Variants in ABCA13 observed in about 807,000 individuals in gnomAD.
The protein encoded by ABCA13 is ATP-binding cassette sub-family A member 13.
In ABCA13, 476 loss-of-function variants were observed where a neutral mutation model predicts 478.7. The ratio of observed to expected loss-of-function variants is 0.99; its 90% CI spans 0.92 to 1.07. The LOEUF (loss-of-function observed/expected upper bound fraction) is 1.07, where lower values mean the gene tolerates loss of function less well. Ranked by LOEUF, ABCA13 falls within the 50% of genes least tolerant of loss-of-function variation. The probability of loss-of-function intolerance (pLI) is 0.00; values close to 1 mark genes in which losing one functional copy is unlikely to be tolerated. For missense variants in ABCA13, 6,060 were observed against 5,910.6 expected (o/e 1.03, Z -0.83); for synonymous variants, 2,252 against 2,158.9 (o/e 1.04, Z -1.20).
At chr7:48,552,827 C>T (rs1305630638) in intron 55 of ABCA13, among the ~76,000 whole-genome samples, 1 of 151,606 alleles carries the variant, frequency 6.6e-6, no homozygotes, top group Admixed American at 6.6e-5. Context: ...TTTGTTATAA[C>T]AATCCAATTA....
At chr7:48,500,949 C>A in intron 48 of ABCA13, among the ~76,000 whole-genome samples, 1 of 152,256 alleles carries the variant, frequency 6.6e-6, no homozygotes, top group East Asian at 1.9e-4. Context: ...CAGACTGCTG[C>A]GGCATAATGG....
chr7:48,626,240 G>A (rs1295822336), intron 59 of ABCA13, among the ~76,000 whole-genome samples: 1 of 152,182 alleles, frequency 6.6e-6, no homozygotes, highest in East Asian at 1.9e-4. Context: ...AAGCCCATGA[G>A]GTAGGAGTTA....
chr7:48,192,931 T>C, intron 1 of ABCA13, 28 bp from the exon 2 acceptor site: 3 of 1,321,968 alleles, frequency 2.3e-6, no homozygotes, highest in Non-Finnish European at 3.1e-6. Flanking sequence ...TTTATTCAGG[T>C]GATTTTTTTT....
intron 8 of ABCA13, among the ~76,000 whole-genome samples, chr7:48,238,401 A>G (rs1177592170): frequency 6.6e-6 from 1 of 152,162 alleles, no homozygotes; most frequent in Non-Finnish European, 1.5e-5. Flanking sequence ...TAATAGGGGA[A>G]TGTGCTTCAT....
At chr7:48,396,628 G>A (rs1816869992) in intron 38 of ABCA13, among the ~76,000 whole-genome samples, 1 of 152,210 alleles carries the variant, frequency 6.6e-6, no homozygotes, top group South Asian at 2.1e-4. Context: ...AGATTCTCTA[G>A]CACATTTCTA....
rs755621746 is a variant in ABCA13 at position 48,272,921 on chromosome 7, A to G, written c.3255A>G (p.Gln1085=). 3.1e-6 allele frequency: 5 copies of G among 1,612,844 alleles called. No homozygotes were observed. Among genetic ancestry groups the G allele is most frequent in the Admixed American group, 1.7e-5 (1 of 59,840 alleles). ...TTTCTTTATTTCAATATATGAGCCA[A>G]TTCTTCAACAGTTCAGTAGAAGACC... ...FRISLFQYMS[Q]FFNSSVEDLL... is the part of the protein sequence containing the mutation. The change falls in exon 17 of 62, where the codon CAA becomes CAG. Residue 1085 remains glutamine, a synonymous_variant. Transcript: ENST00000435803.
intron 55 of ABCA13, among the ~76,000 whole-genome samples, chr7:48,535,833 C>A (rs1465433083): frequency 1.3e-5 from 2 of 152,154 alleles, no homozygotes. Context: ...ATACAGCCTG[C>A]AGTCCTAAAG....
At chr7:48,335,205 G>C (rs530012778) in intron 27 of ABCA13, among the ~76,000 whole-genome samples, 1 of 152,212 alleles carries the variant, frequency 6.6e-6, no homozygotes, top group Non-Finnish European at 1.5e-5. Flanking sequence ...TGAACAGGCA[G>C]GTAGCCCCTG....
chr7:48,247,066 C>T (rs565788887), intron 13 of ABCA13, among the ~76,000 whole-genome samples: 4 of 152,024 alleles, frequency 2.6e-5, no homozygotes, highest in African/African-American at 9.6e-5. Flanking sequence ...TAAACCCCAT[C>T]TCTACAAAAA....
chr7:48,529,579 G>T (rs563954421), intron 55 of ABCA13, among the ~76,000 whole-genome samples: 3 of 152,254 alleles, frequency 2.0e-5, no homozygotes, highest in Admixed American at 2.0e-4. Context: ...TTTTAAGAGA[G>T]GTTATATGTT....
intron 19 of ABCA13, among the ~76,000 whole-genome samples, chr7:48,287,061 G>A (rs1269834805): frequency 6.6e-6 from 1 of 151,738 alleles, no homozygotes; most frequent in African/African-American, 2.4e-5. Flanking sequence ...GAGCACACAG[G>A]CATCTGCGCA....
chr7:48,411,262 T>TCCTTTCCTC (rs1334339328), intron 40 of ABCA13, among the ~76,000 whole-genome samples: 1 of 139,470 alleles, frequency 7.2e-6, no homozygotes, highest in Non-Finnish European at 1.6e-5. Context: ...TCTCTTTCCT[T>TCCTTTCCTC]CCTTTCCTCC....
At chr7:48,333,024 T>C (rs1001079876) in intron 27 of ABCA13, among the ~76,000 whole-genome samples, 1 of 152,224 alleles carries the variant, frequency 6.6e-6, no homozygotes, top group Non-Finnish European at 1.5e-5. Flanking sequence ...CCTCTCATAC[T>C]CTTTCAGTTC....
At position 48,274,798 on chromosome 7, in the gene ABCA13, G is replaced by C. The variant is rs766810903; in HGVS notation, c.5132G>C (p.Gly1711Ala). Residue 1711 changes from glycine to alanine, a missense_variant, in exon 17 of 62, where the codon GGC (glycine) becomes GCC (alanine). This residue lies in a region of ABCA13 where 4,423 missense variants were observed against 4,309.1 expected (regional missense o/e 1.03). Coordinates refer to ENST00000435803, the MANE Select transcript of ABCA13 (RefSeq NM_152701.5). The part of the protein sequence containing the change: ...TGNLVVNLLV[G>A]LMEKFADSSH... Reference sequence around the variant, plus strand: ...AATTTAGTGGTCAATTTGCTTGTTGGCTTGATGGAAAAATTTGCAGACAGC... The same window carrying C: ...AATTTAGTGGTCAATTTGCTTGTTGCCTTGATGGAAAAATTTGCAGACAGC... 1 of 1,613,808 alleles carries C rather than the reference G, an allele frequency of 6.2e-7. No homozygotes were observed. Among genetic ancestry groups the C allele is most frequent in the Admixed American group, 1.7e-5 (1 of 59,994 alleles).
chr7:48,274,211 T>C lies in ABCA13; in HGVS notation c.4545T>C (p.Ser1515=). The change falls in exon 17 of 62, where the codon TCT becomes TCC. Residue 1515 remains serine, a synonymous_variant. Transcript: ENST00000435803. Reference sequence around the variant, plus strand: ...TAACAACAGACTTTGATTTTGCATCTCAGTCCAATTGGAGATATTTTACTG... The same window carrying C: ...TAACAACAGACTTTGATTTTGCATCCCAGTCCAATTGGAGATATTTTACTG... The part of the protein sequence containing the change: ...NNLTTDFDFA[S]QSNWRYFTEL... 1 of 1,612,918 alleles carries C rather than the reference T, an allele frequency of 6.2e-7. No homozygotes were observed. The highest frequency in any genetic ancestry group is 8.5e-7 in the Non-Finnish European group (1 of 1,179,328).
At position 48,593,744 on chromosome 7, in the gene ABCA13, A is replaced by G. The variant is rs183832425; in HGVS notation, c.14641-966A>G. The stretch of plus-strand genomic sequence containing the variant: ...TTGGGAGCATTTTTTTTTTTATAAG[A>G]CAGGTATTGTGTCAATGAACTCTTT... On this transcript the variant is annotated intron_variant, in intron 57 of 61. Transcript: ENST00000435803. 2.8e-3 allele frequency among the ~76,000 whole-genome samples: 423 copies of G among 151,424 alleles called. 6 individuals carry two copies. Among genetic ancestry groups the G allele is most frequent in the African/African-American group, 9.8e-3 (402 of 41,168 alleles).
Position 48,329,412 on chromosome 7 carries a change from A to C in ABCA13, c.10000-6010A>C, listed in dbSNP as rs148818512. Among the ~76,000 whole-genome samples the C allele has an allele frequency of 1.8e-4, 28 of 152,310 alleles. No homozygotes were observed. In the East Asian group the frequency reaches 4.6e-3, roughly 25 times the overall value. ...GTGTGCTATATTGAGGACATAGGGC[A>C]TTATAATTGAGTGTTAGCATCCTAG... On this transcript the variant is annotated intron_variant, in intron 27 of 61. Coordinates refer to ENST00000435803, the MANE Select transcript of ABCA13 (RefSeq NM_152701.5).
chr7:48,494,522 A>G (rs889787929), intron 48 of ABCA13, among the ~76,000 whole-genome samples: 13 of 152,202 alleles, frequency 8.5e-5, no homozygotes, highest in African/African-American at 2.9e-4. Context: ...GCAAAGCACC[A>G]GTACTAGCTT....
chr7:48,382,812 G>A (rs148331791), intron 35 of ABCA13, among the ~76,000 whole-genome samples: 89 of 151,706 alleles, frequency 5.9e-4, no homozygotes, highest in African/African-American at 1.9e-3. Flanking sequence ...ATAAGAAGGC[G>A]CAGTCTCTGC....
Sources: gnomAD v4.1 joint callset for allele counts (sites outside exome capture counted in the v4.1 genomes callset) on GRCh38, gnomAD v4.1.1 for gene constraint, gnomAD v4.1.1 regional missense constraint, MANE v1.5 for transcripts, NCBI Gene and HGNC (gene_info 2026-07-23, HGNC 2026-07-21) for gene names.